MDC1: variants seen among roughly 807,000 people sequenced by gnomAD.
MDC1 encodes the protein mediator of DNA damage checkpoint 1, also known as mediator of DNA damage checkpoint protein 1.
In MDC1, 81 loss-of-function variants were observed where a neutral mutation model predicts 142.5. The ratio of observed to expected loss-of-function variants is 0.57; its 90% CI spans 0.47 to 0.68. MDC1 has a LOEUF of 0.68. Ranked by LOEUF, MDC1 falls within the 30% of genes least tolerant of loss-of-function variation. MDC1 has a pLI of 0.00. For missense variants in MDC1, 2,119 were observed against 2,547.9 expected, an observed-to-expected ratio of 0.83 and a Z score of 3.62; for synonymous variants, 797 against 968.4, an observed-to-expected ratio of 0.82 and a Z score of 3.29.
chr6:30,703,213 G>A lies in MDC1; in HGVS notation c.5756C>T (p.Ser1919Leu). 6.2e-7 allele frequency: 1 copy of A among 1,613,106 alleles called. No individual in the cohort carries two copies. Among genetic ancestry groups the A allele is most frequent in the South Asian group, 1.1e-5 (1 of 91,086 alleles). Residue 1919 changes from serine (S) to leucine (L), a missense_variant, in exon 12 of 15, where the codon TCA becomes TTA. Physicochemically the swap from Ser to Leu is moderately radical, Grantham distance 145 (BLOSUM62 -2). Coordinates refer to ENST00000376406, the MANE Select transcript of MDC1 (RefSeq NM_014641.3). The surrounding 1 kb of genome is among the most constrained non-coding windows in gnomAD (Gnocchi z 4.4). ...VLALGGSLAG[S>L]AAEASHLVTD... Reference sequence around the variant, plus strand: ...GACCAGGTGGGAAGCCTCTGCCGCTGAACCAGCCAGACTTCCCCCCAGTGC... The same window carrying A: ...GACCAGGTGGGAAGCCTCTGCCGCTAAACCAGCCAGACTTCCCCCCAGTGC...
rs748543349 is a variant in MDC1, at chr6:30,705,478, G to C, written c.3705C>G (p.Ser1235=). ...CAACTGGTTCAGGGGTCTTGACAGA[G>C]GATCTATTTTTTCTTCCCCTAGTAG... ...SQATRGRKNR[S]SVKTPEPVVP... is the part of the protein sequence containing the mutation. Residue 1235 remains serine, a synonymous_variant, in exon 10 of 15, where the codon TCC becomes TCG. Transcript: ENST00000376406. 5.6e-6 allele frequency: 9 copies of C among 1,607,258 alleles called. No individual in the cohort carries two copies. In the East Asian group the frequency reaches 1.3e-4, roughly 24 times the overall value.
At position 30,703,806 on chromosome 6, in the gene MDC1, G is replaced by C. The variant is rs1245484509; in HGVS notation, c.5377C>G (p.Pro1793Ala). 11 of 1,603,964 alleles carry C rather than the reference G, an allele frequency of 6.9e-6. No homozygotes were observed. The highest frequency in any genetic ancestry group is 9.4e-6 in the Non-Finnish European group (11 of 1,175,176). ...GGGGTGAACCTAGATCTACCTGCTGGTTCCACCTTTTGGATCTGGGAGGCA... is the reference window on the plus strand; with the variant it reads ...GGGGTGAACCTAGATCTACCTGCTGCTTCCACCTTTTGGATCTGGGAGGCA... ...IHASQIQKVE[P>A]AGRSRFTPEL... is the part of the protein sequence containing the mutation. Residue 1793 changes from proline to alanine, a missense_variant, in exon 10 of 15, where the codon CCA becomes GCA. Pro to Ala is a conservative substitution (Grantham distance 27, BLOSUM62 -1). Coordinates refer to ENST00000376406, the MANE Select transcript of MDC1 (RefSeq NM_014641.3). The surrounding 1 kb of genome is among the most constrained non-coding windows in gnomAD (Gnocchi z 4.4).
rs1356592483 is a variant in MDC1, at chr6:30,700,460, A to C, written c.*5T>G. On this transcript the variant is annotated 3_prime_UTR_variant, in exon 15 of 15. Coordinates refer to ENST00000376406, the MANE Select transcript of MDC1 (RefSeq NM_014641.3). The stretch of plus-strand genomic sequence containing the variant: ...GGTCTGGGAGGGAAAAGGGTAGTGG[A>C]GTTCTCAGGTGGATGACATCTCCAA... 2 of 1,609,916 alleles carry C rather than the reference A, an allele frequency of 1.2e-6. No homozygotes were observed. Among genetic ancestry groups the C allele is most frequent in the Non-Finnish European group, 1.7e-6 (2 of 1,177,570 alleles).
chr6:30,702,818 T>C lies in MDC1; in HGVS notation c.5925A>G (p.Gln1975=). ...GAAGGCTAAAGCCAAAGTTCTTCTC[T>C]TGCTCAGGGTCGGTCACCACATATT... is the stretch of plus-strand genomic sequence containing the variant. ...PDEYVVTDPE[Q]EKNFGFSLQD... is the part of the protein sequence containing the mutation. Residue 1975 remains glutamine (Q), a synonymous_variant, in exon 13 of 15, where the codon CAA becomes CAG. Transcript: ENST00000376406. 1.2e-6 allele frequency: 2 copies of C among 1,613,134 alleles called. No homozygotes were observed. The highest frequency in any genetic ancestry group is 1.7e-6 in the Non-Finnish European group (2 of 1,180,026).
Position 30,703,735 on chromosome 6 carries a change from A to G in MDC1, c.5448T>C (p.Ala1816=). ...TTTGATGTGGTGGTGAATCCATGGT[A>G]GCTAAAGACCTCTTGCGGCTTTGAG... ...KASQSRKRSL[A]TMDSPPHQKQ... is the part of the protein sequence containing the mutation. Residue 1816 remains alanine, a synonymous_variant, in exon 10 of 15, where the codon GCT becomes GCC. Coordinates refer to ENST00000376406, the MANE Select transcript of MDC1 (RefSeq NM_014641.3). This position sits in a 1 kb window ranked among gnomAD's most constrained non-coding sequence, Gnocchi z 4.4. 6.5e-7 allele frequency: 1 copy of G among 1,543,072 alleles called. No homozygotes were observed. The highest frequency in any genetic ancestry group is 8.7e-7 in the Non-Finnish European group (1 of 1,149,270).
Position 30,713,041 on chromosome 6 carries a change from T to C in MDC1, c.901A>G (p.Thr301Ala). 1 of 1,612,960 alleles carries C rather than the reference T, an allele frequency of 6.2e-7. No individual in the cohort carries two copies. Among genetic ancestry groups the C allele is most frequent in the Non-Finnish European group, 8.5e-7 (1 of 1,179,916 alleles). Residue 301 changes from threonine (T) to alanine (A), a missense_variant, in exon 5 of 15, where the codon ACA becomes GCA. Transcript: ENST00000376406. This position sits in a 1 kb window ranked among gnomAD's most constrained non-coding sequence, Gnocchi z 4.9. ...RSQPPGEDSDTDVDDDSRPPG... is the reference protein window; with the variant it reads ...RSQPPGEDSDADVDDDSRPPG... ...GGCCTGCTGTCATCATCCACATCTG[T>C]GTCACTGTCCTCTCCAGGAGGTTGG...
chr6:30,702,905 G>C, intron 12 of MDC1, 28 bp from the exon 13 acceptor site: 1 of 1,612,542 alleles, frequency 6.2e-7, no homozygotes, highest in Non-Finnish European at 8.5e-7. Flanking sequence ...CAGCATCAAA[G>C]CTCAGCCCAG....
chr6:30,708,546 G>A (rs531251887), intron 7 of MDC1, among the ~76,000 whole-genome samples, 189 bp from the exon 8 acceptor site: 5 of 152,162 alleles, frequency 3.3e-5, no homozygotes, highest in East Asian at 3.9e-4. Flanking sequence ...AACATTTAAC[G>A]TTTGTCTCAA....
chr6:30,703,853 TG>T lies in MDC1; in HGVS notation c.5329del (p.Gln1777SerfsTer39). ...GGCATGAATTGGTGTCTCAAGAAGCTGGGGAGAGGCAGGCTCAGGAATGGCT... is the reference window on the plus strand; with the variant it reads ...GGCATGAATTGGTGTCTCAAGAAGCTGGGAGAGGCAGGCTCAGGAATGGCT... Reference protein sequence around the residue: ...LTAIPEPASPQLLETPIHASQ... With the variant: ...LTAIPEPASPXLLETPIHASQ... On this transcript the variant is annotated frameshift_variant, in exon 10 of 15. Coordinates refer to ENST00000376406, the MANE Select transcript of MDC1 (RefSeq NM_014641.3). LOFTEE classifies it high-confidence loss of function. This position sits in a 1 kb window ranked among gnomAD's most constrained non-coding sequence, Gnocchi z 4.4. 1 of 1,613,768 alleles carries T rather than the reference TG, an allele frequency of 6.2e-7. No individual in the cohort carries two copies. The highest frequency in any genetic ancestry group is 8.5e-7 in the Non-Finnish European group (1 of 1,179,846).
intron 9 of MDC1, 29 bp from the exon 10 acceptor site, chr6:30,706,127 G>C (rs771544018): frequency 6.6e-7 from 1 of 1,505,772 alleles, no homozygotes; most frequent in Admixed American, 2.1e-5. Flanking sequence ...AAGTGAGGGG[G>C]AGGAGGTGGA....
chr6:30,707,843 G>A lies in MDC1; in HGVS notation c.2736C>T (p.Ser912=), dbSNP rs543329103. Reference sequence around the variant, plus strand: ...TCTCTACTTCTCTCTCAAATGCTTTGCTTGGAAGGGTCTGCTTCTGTACTT... The same window carrying A: ...TCTCTACTTCTCTCTCAAATGCTTTACTTGGAAGGGTCTGCTTCTGTACTT... ...EKQVQKQTLP[S]KAFEREVERP... The change falls in exon 8 of 15, where the codon AGC becomes AGT. Residue 912 remains serine, a synonymous_variant. Transcript: ENST00000376406. 125 of 1,613,066 alleles carry A rather than the reference G, an allele frequency of 7.7e-5. No individual in the cohort carries two copies. In the South Asian group the frequency reaches 1.3e-3, roughly 17 times the overall value.
rs200986591 is a variant in MDC1 at position 30,706,136 on chromosome 6, G to C, written c.3085-38C>G. 7.2e-5 allele frequency: 106 copies of C among 1,478,504 alleles called. 1 individual carries two copies. The East Asian group carries it at 2.3e-3, about 33-fold the overall frequency. 91.6% of individuals were successfully genotyped at this position (1,478,504 alleles called of 1,614,324 possible). ...AGAAGCAAGTGAGGGGGAGGAGGTG[G>C]AGAAAAGAGATAGAACTTGGATACT... On this transcript the variant is annotated intron_variant, in intron 9 of 14. Transcript: ENST00000376406.
chr6:30,700,876 G>C (rs1411848504), intron 14 of MDC1, among the ~76,000 whole-genome samples: 4 of 136,148 alleles, frequency 2.9e-5, no homozygotes, highest in Non-Finnish European at 4.7e-5. Flanking sequence ...CAAGACCACG[G>C]TGAAACCCTG....
chr6:30,703,491 T>C lies in MDC1; in HGVS notation c.5609A>G (p.Glu1870Gly), dbSNP rs1034146811. 1 of 1,613,750 alleles carries C rather than the reference T, an allele frequency of 6.2e-7. No individual in the cohort carries two copies. Among genetic ancestry groups the C allele is most frequent in the African/African-American group, 1.3e-5 (1 of 74,926 alleles). The change falls in exon 11 of 15, where the codon GAG (glutamate) becomes GGG (glycine). Residue 1870 changes from glutamate (E) to glycine (G), a missense_variant. Physicochemically the swap from Glu to Gly is moderately conservative, Grantham distance 98. Coordinates refer to ENST00000376406, the MANE Select transcript of MDC1 (RefSeq NM_014641.3). This position sits in a 1 kb window ranked among gnomAD's most constrained non-coding sequence, Gnocchi z 4.4. Reference sequence around the variant, plus strand: ...GCTTGGTATTCTGTTGGGCTCCTCCTCTGCCTGGTCTCTCTTTCTCTTGCC... The same window carrying C: ...GCTTGGTATTCTGTTGGGCTCCTCCCCTGCCTGGTCTCTCTTTCTCTTGCC... ...KPGKRKRDQA[E>G]EEPNRIPSRS...
At chr6:30,702,972 A>G in intron 12 of MDC1, 95 bp from the exon 13 acceptor site, 1 of 1,594,510 alleles carries the variant, frequency 6.3e-7, no homozygotes, top group South Asian at 1.1e-5. Flanking sequence ...ATGTCTTTTA[A>G]ATCAATGCAG....
chr6:30,707,577 C>T lies in MDC1; in HGVS notation c.3002G>A (p.Arg1001Lys), dbSNP rs1480846786. ...GGRGSPVSPR[R>K]HQKGLLNCKM... is the part of the protein sequence containing the mutation. Reference sequence around the variant, plus strand: ...CTGCCTTCACTTACCTTTCTGATGCCTCCTGGGGCTCACTGGGGATCCCCT... The same window carrying T: ...CTGCCTTCACTTACCTTTCTGATGCTTCCTGGGGCTCACTGGGGATCCCCT... Residue 1001 changes from arginine to lysine, a missense_variant, in exon 8 of 15, where the codon AGG becomes AAG. By Grantham distance (26) the Arg-to-Lys change is conservative. Transcript: ENST00000376406. The T allele has an allele frequency of 1.2e-6, 2 of 1,612,286 alleles. No homozygotes were observed. Among genetic ancestry groups the T allele is most frequent in the Non-Finnish European group, 1.7e-6 (2 of 1,179,424 alleles).
intron 14 of MDC1, among the ~76,000 whole-genome samples, chr6:30,701,944 G>T (rs1375239137): frequency 6.6e-6 from 1 of 151,946 alleles, no homozygotes; most frequent in Non-Finnish European, 1.5e-5. Context: ...AAAATAAAAA[G>T]AAATGAAATA....
rs1384864324 is a variant in MDC1 at position 30,707,782 on chromosome 6, A to C, written c.2797T>G (p.Leu933Val). 6 of 1,612,580 alleles carry C rather than the reference A, an allele frequency of 3.7e-6. No homozygotes were observed. The highest frequency in any genetic ancestry group is 5.1e-6 in the Non-Finnish European group (6 of 1,179,912). The change falls in exon 8 of 15, where the codon TTA becomes GTA. Residue 933 changes from leucine to valine, a missense_variant. Leu to Val is a conservative substitution (Grantham distance 32). Coordinates refer to ENST00000376406, the MANE Select transcript of MDC1 (RefSeq NM_014641.3). The stretch of plus-strand genomic sequence containing the variant: ...ATCACTTTGGGCACCTTCTCTTCTA[A>C]CTCGGCTGGATCGCACTCTCTGTTT... ...VANRECDPAELEEKVPKVILE... is the reference protein window; with the variant it reads ...VANRECDPAEVEEKVPKVILE...
In MDC1 at chr6:30,703,955, G is replaced by A. The variant is rs754585688; in HGVS notation, c.5228C>T (p.Ser1743Phe). The stretch of plus-strand genomic sequence containing the variant: ...CTGGGATTTAGGTTCCAAGGGTGCA[G>A]AGCAAGGCTTATGGTCAATGGGAGC... ...LAAPIDHKPC[S>F]APLEPKSQAS... The change falls in exon 10 of 15, where the codon TCT becomes TTT. Residue 1743 changes from serine (S) to phenylalanine (F), a missense_variant. By Grantham distance (155) the Ser-to-Phe change is radical. Coordinates refer to ENST00000376406, the MANE Select transcript of MDC1 (RefSeq NM_014641.3). The surrounding 1 kb of genome is among the most constrained non-coding windows in gnomAD (Gnocchi z 4.4). 6.2e-7 allele frequency: 1 copy of A among 1,614,226 alleles called. No homozygotes were observed. The highest frequency in any genetic ancestry group is 8.5e-7 in the Non-Finnish European group (1 of 1,180,038).
Sources: gnomAD v4.1 joint callset for allele counts (sites outside exome capture counted in the v4.1 genomes callset) on GRCh38, gnomAD v4.1.1 for gene constraint, Gnocchi (gnomAD v3.1) non-coding constraint, MANE v1.5 for transcripts, NCBI Gene and HGNC (gene_info 2026-07-23, HGNC 2026-07-21) for gene names.